The following GK variants were observed in gnomAD, a reference collection of about 807,000 sequenced individuals.
GK encodes glycerol kinase, also known as ATP:glycerol 3-phosphotransferase.
A neutral mutation model predicts 56.4 loss-of-function variants in GK; 9 were observed. That is an observed-to-expected ratio of 0.16 (90% CI 0.10 to 0.28). GK has a LOEUF of 0.28. Ranked by LOEUF, GK falls within the 10% of genes least tolerant of loss-of-function variation. GK has a pLI of 1.00. For synonymous variants in GK, 104 were observed against 144.1 expected (o/e 0.72, Z 1.99); for missense variants, 161 against 431.4 (o/e 0.37, Z 5.55).
chrX:30,715,241 C>A (rs1401815863), intron 13 of GK, among the ~76,000 whole-genome samples: 1 of 111,963 alleles, frequency 8.9e-6, no homozygotes, highest in Non-Finnish European at 1.9e-5. Context: ...CAGTGGCATT[C>A]ATGTCAAGGA....
In GK at chrX:30,730,583, T is replaced by A. The variant is rs775684179; in HGVS notation, c.*1841T>A. 5 of 112,125 alleles carry A rather than the reference T, an allele frequency of 4.5e-5. No individual in the cohort carries two copies. Among genetic ancestry groups the A allele is most frequent in the Non-Finnish European group, 9.4e-5 (5 of 53,277 alleles). The allele number at this position is 112,125 out of a possible 1,213,427, so 9.2% of individuals were successfully genotyped here. A position where few individuals can be genotyped will look rare whatever the true frequency, so the allele number is the denominator to read the frequency against. ...ATTGATATTTAATGACAAATTTACT[T>A]AAAATAAATTGACCCCTTGTTCTTA... On this transcript the variant is annotated 3_prime_UTR_variant, in exon 21 of 21. Transcript: ENST00000427190.
intron 20 of GK, among the ~76,000 whole-genome samples, chrX:30,727,949 G>T (rs1406367445): frequency 9.0e-6 from 1 of 111,534 alleles, no homozygotes; most frequent in Non-Finnish European, 1.9e-5. Context: ...AATTTGCTAA[G>T]CAAGTCTTAA....
chrX:30,663,380 T>C (rs1360112406), intron 1 of GK, among the ~76,000 whole-genome samples: 2 of 111,887 alleles, frequency 1.8e-5, no homozygotes, highest in African/African-American at 3.3e-5. Flanking sequence ...CAAATACTTA[T>C]TGAGCACCAA....
chrX:30,678,255 A>C (rs1046402945), intron 4 of GK: 30 of 376,032 alleles, frequency 8.0e-5, no homozygotes, highest in Non-Finnish European at 1.2e-4. Context: ...AAAAAACCCC[A>C]AATCTCAAAT....
chrX:30,699,268 A>ATAT (rs1395461186), intron 9 of GK, among the ~76,000 whole-genome samples: 1 of 85,222 alleles, frequency 1.2e-5, no homozygotes, highest in Non-Finnish European at 2.4e-5. Flanking sequence ...TGTTATGTAT[A>ATAT]ACATGTATAT....
chrX:30,700,769 G>C (rs898856774), intron 10 of GK, 69 bp from the exon 11 acceptor site: 11 of 639,308 alleles, frequency 1.7e-5, no homozygotes, highest in African/African-American at 1.6e-4. Flanking sequence ...AAAATCCTAT[G>C]GCTCTTCTAA....
chrX:30,712,881 T>C (rs1936416810), intron 13 of GK, among the ~76,000 whole-genome samples: 1 of 108,752 alleles, frequency 9.2e-6, no homozygotes, highest in Non-Finnish European at 1.9e-5. Context: ...CCCACCACCA[T>C]GCCCGGCTAA....
chrX:30,719,335 T>A (rs1261272782), intron 14 of GK, 84 bp from the exon 15 acceptor site: 2 of 622,965 alleles, frequency 3.2e-6, no homozygotes, highest in Non-Finnish European at 5.2e-6. Flanking sequence ...CTGTCCTAAT[T>A]TTTCTAATTT....
At chrX:30,655,487 G>A (rs745743229) in intron 1 of GK, among the ~76,000 whole-genome samples, 42 of 112,150 alleles carry the variant, frequency 3.7e-4, no homozygotes, top group Non-Finnish European at 3.6e-4. Context: ...CTGCCAGATC[G>A]TCAGATTAAA....
intron 9 of GK, among the ~76,000 whole-genome samples, chrX:30,699,189 A>G (rs1015982544): frequency 4.0e-5 from 4 of 101,160 alleles, no homozygotes; most frequent in African/African-American, 1.4e-4. Flanking sequence ...ATATATATAT[A>G]TGTTTTATAT....
At chrX:30,727,339 T>C in intron 19 of GK, 127 bp from the exon 20 acceptor site, 2 of 486,261 alleles carry the variant, frequency 4.1e-6, no homozygotes, top group Non-Finnish European at 7.3e-6. Flanking sequence ...TGCTAGCTTT[T>C]ATGAATATAC....
intron 3 of GK, among the ~76,000 whole-genome samples, chrX:30,670,502 G>A (rs1933408588): frequency 9.0e-6 from 1 of 111,615 alleles, no homozygotes; most frequent in African/African-American, 3.3e-5. Context: ...CCACATCTGA[G>A]CCAAACTGAC....
At chrX:30,726,660 A>G (rs1393033745) in intron 19 of GK, among the ~76,000 whole-genome samples, 1 of 111,960 alleles carries the variant, frequency 8.9e-6, no homozygotes, top group Non-Finnish European at 1.9e-5. Context: ...AAGCTGTATA[A>G]TAAGCTTGGA....
At position 30,700,821 on chromosome X, in the gene GK, G is replaced by T; in HGVS notation, c.784-17G>T. The T allele has an allele frequency of 9.0e-7, 1 of 1,110,282 alleles. No individual in the cohort carries two copies. Among genetic ancestry groups the T allele is most frequent in the Non-Finnish European group, 1.2e-6 (1 of 802,783 alleles). The allele number at this position is 1,110,282 out of a possible 1,213,427, so 91.5% of individuals were successfully genotyped here. A position where few individuals can be genotyped will look rare whatever the true frequency, so the allele number is the denominator to read the frequency against. On this transcript the variant is annotated splice_polypyrimidine_tract_variant and intron_variant, in intron 10 of 20. Coordinates refer to ENST00000427190, the MANE Select transcript of GK (RefSeq NM_001205019.2). The stretch of plus-strand genomic sequence containing the variant: ...ATTGTATTAGTCAGTGTTCTTTATT[G>T]TCATTTATACTTTCAGTGTTTAGGG...
At chrX:30,693,103 G>A (rs868582636) in intron 5 of GK, among the ~76,000 whole-genome samples, 18 of 93,787 alleles carry the variant, frequency 1.9e-4, no homozygotes, top group African/African-American at 6.4e-4. Flanking sequence ...TGCAAGCTCC[G>A]CCTCCCGGGT....
chrX:30,719,650 ATT>A, intron 15 of GK, 135 bp downstream of exon 15: 2 of 467,437 alleles, frequency 4.3e-6, no homozygotes, highest in South Asian at 6.9e-5. Context: ...GGAGAATATA[ATT>A]TCAGAAACTT....
At chrX:30,710,860 G>C in intron 13 of GK, among the ~76,000 whole-genome samples, 1 of 111,039 alleles carries the variant, frequency 9.0e-6, no homozygotes, top group Middle Eastern at 4.6e-3. Context: ...TTCTAAGAGT[G>C]TATGTCATTT....
intron 13 of GK, among the ~76,000 whole-genome samples, chrX:30,713,359 C>T (rs748457974): frequency 8.9e-6 from 1 of 111,943 alleles, no homozygotes; most frequent in South Asian, 3.7e-4. Flanking sequence ...TTATGTGTTT[C>T]CGTGTCTGTC....
In GK at chrX:30,708,142, C is replaced by CT; in HGVS notation, c.975+13dup. 3.2e-6 allele frequency: 3 copies of CT among 951,451 alleles called. No homozygotes were observed. The highest frequency in any genetic ancestry group is 4.5e-6 in the Non-Finnish European group (3 of 666,513). The allele number at this position is 951,451 out of a possible 1,213,427, so 78.4% of individuals were successfully genotyped here. A position where few individuals can be genotyped will look rare whatever the true frequency, so the allele number is the denominator to read the frequency against. On this transcript the variant is annotated intron_variant, in intron 13 of 20. Transcript: ENST00000427190. ...GTATATTATGCTTTGGAAGTAAGTTCTTTTTAATCAATATGGATAATATGA... is the reference window on the plus strand; with the variant it reads ...GTATATTATGCTTTGGAAGTAAGTTCTTTTTTAATCAATATGGATAATATGA...
Sources: gnomAD v4.1 joint callset for allele counts (sites outside exome capture counted in the v4.1 genomes callset) on GRCh38, gnomAD v4.1.1 for gene constraint, MANE v1.5 for transcripts, NCBI Gene and HGNC (gene_info 2026-07-23, HGNC 2026-07-21) for gene names.